Variants in MAGED2 observed in about 807,000 individuals in gnomAD.
MAGED2 encodes melanoma-associated antigen D2.
A neutral mutation model predicts 41.7 loss-of-function variants in MAGED2; 6 were observed. That is an observed-to-expected ratio of 0.14 (90% CI 0.08 to 0.28). MAGED2 has a LOEUF of 0.28. Ranked by LOEUF, MAGED2 falls within the 10% of genes least tolerant of loss-of-function variation. The pLI, the probability that MAGED2 is intolerant of heterozygous loss-of-function variation, is 1.00. For synonymous variants in MAGED2, 146 were observed against 178.2 expected (o/e 0.82, Z 1.44); for missense variants, 343 against 486.4 (o/e 0.71, Z 2.77).
chrX:54,811,438 GTGCTAGCATCTCTGT>G, intron 5 of MAGED2, 121 bp from the exon 6 acceptor site: 1 of 887,633 alleles, frequency 1.1e-6, no homozygotes, highest in Non-Finnish European at 1.6e-6. Context: ...TGATTTGGCA[GTGCTAGCATCTCTGT>G]TGATAAGCAC....
Position 54,815,331 on chromosome X carries a change from A to G in MAGED2, c.1470A>G (p.Ala490=). ...ATTTGAAGGCTGCAGCTGAGGCTGC[A>G]GCTGAAGCCAAGGCTAGGGCCGAGA... The part of the protein sequence containing the change: ...EADLKAAAEA[A]AEAKARAEIR... Residue 490 remains alanine, a synonymous_variant, in exon 12 of 13, where the codon GCA becomes GCG. Transcript: ENST00000375068. The G allele has an allele frequency of 8.3e-7, 1 of 1,202,412 alleles. No individual in the cohort carries two copies. The highest frequency in any genetic ancestry group is 1.1e-6 in the Non-Finnish European group (1 of 890,004).
rs1929780760 is a variant in MAGED2, at chrX:54,810,930, G to A, written c.647G>A (p.Arg216Lys). ...SKALMASMAR[R>K]ASRGPIAFWA... ...GCCCTAATGGCCTCAATGGCCCGCAGGGCTTCAAGGGGTCCCATAGCCTTT... is the reference window on the plus strand; with the variant it reads ...GCCCTAATGGCCTCAATGGCCCGCAAGGCTTCAAGGGGTCCCATAGCCTTT... The change falls in exon 4 of 13, where the codon AGG (arginine) becomes AAG (lysine). Residue 216 changes from arginine to lysine, a missense_variant. Physicochemically the swap from Arg to Lys is conservative, Grantham distance 26. This residue lies in a region of MAGED2 where 195 missense variants were observed against 221.2 expected (regional missense o/e 0.88). Transcript: ENST00000375068. The A allele has an allele frequency of 1.7e-6, 2 of 1,206,706 alleles. No homozygotes were observed. The highest frequency in any genetic ancestry group is 3.5e-5 in the African/African-American group (2 of 57,727).
chrX:54,809,812 T>C lies in MAGED2; in HGVS notation c.136T>C (p.Ser46Pro). The C allele has an allele frequency of 9.1e-6, 11 of 1,202,707 alleles. No homozygotes were observed. Among genetic ancestry groups the C allele is most frequent in the Non-Finnish European group, 1.1e-5 (10 of 890,816 alleles). The part of the protein sequence containing the change: ...NVEVPETPKA[S>P]KALEVSEDVK... Reference sequence around the variant, plus strand: ...GGAGGTCCCAGAGACACCGAAGGCCTCAAAGGCACTGGAGGTCTCAGAGGA... The same window carrying C: ...GGAGGTCCCAGAGACACCGAAGGCCCCAAAGGCACTGGAGGTCTCAGAGGA... The change falls in exon 3 of 13, where the codon TCA becomes CCA. Residue 46 changes from serine (S) to proline (P), a missense_variant. Coordinates refer to ENST00000375068, the MANE Select transcript of MAGED2 (RefSeq NM_177433.3).
In MAGED2 at chrX:54,815,590, G is replaced by A. The variant is rs376899197; in HGVS notation, c.1729G>A (p.Ala577Thr). Residue 577 changes from alanine (A) to threonine (T), a missense_variant, in exon 12 of 13, where the codon GCC (alanine) becomes ACC (threonine). Around this residue, in one of 3 missense-constraint regions of MAGED2, gnomAD observed 53 missense variants for 60.4 expected, o/e 0.88. Coordinates refer to ENST00000375068, the MANE Select transcript of MAGED2 (RefSeq NM_177433.3). ...CTTCAGTGCTGGTGCCAGCCTGACCGCCACTCTCACATTTGGGCTCTTCGC... is the reference window on the plus strand; with the variant it reads ...CTTCAGTGCTGGTGCCAGCCTGACCACCACTCTCACATTTGGGCTCTTCGC... ...GGFSAGASLT[A>T]TLTFGLFAGL... The A allele has an allele frequency of 6.2e-4, 721 of 1,167,171 alleles. No individual in the cohort carries two copies. Among genetic ancestry groups the A allele is most frequent in the Non-Finnish European group, 7.6e-4 (666 of 873,096 alleles).
chrX:54,811,757 C>G, intron 6 of MAGED2, 104 bp downstream of exon 6: 1 of 583,273 alleles, frequency 1.7e-6, no homozygotes, highest in Non-Finnish European at 2.9e-6. Context: ...TAATCCAGCT[C>G]CATCGCTATG....
rs1929728996 is a variant in MAGED2, at chrX:54,809,463, A to G, written c.45+87A>G. 9.3e-6 allele frequency: 9 copies of G among 966,075 alleles called. No individual in the cohort carries two copies. The South Asian group carries it at 1.8e-4, about 19-fold the overall frequency. 79.6% of individuals were successfully genotyped at this position (966,075 alleles called of 1,213,427 possible). On this transcript the variant is annotated intron_variant, in intron 2 of 12. Transcript: ENST00000375068. ...CAAGTCCCTTGGCTCTTCCCCTCCCATCCTTGTCCTTCTCCACCTACTTTC... is the reference window on the plus strand; with the variant it reads ...CAAGTCCCTTGGCTCTTCCCCTCCCGTCCTTGTCCTTCTCCACCTACTTTC...
At chrX:54,813,244 G>C in intron 9 of MAGED2, 84 bp downstream of exon 9, 1 of 1,191,806 alleles carries the variant, frequency 8.4e-7, no homozygotes, top group Non-Finnish European at 1.1e-6. Flanking sequence ...CAGTCTGGTG[G>C]TCTGGTGGAG....
chrX:54,810,737 C>A, intron 3 of MAGED2, 84 bp from the exon 4 acceptor site: 1 of 816,492 alleles, frequency 1.2e-6, no homozygotes, highest in Non-Finnish European at 1.7e-6. Flanking sequence ...GTGGGATTAG[C>A]GGGTGCTTCC....
intron 10 of MAGED2, 143 bp downstream of exon 10, chrX:54,813,693 T>C: frequency 2.1e-6 from 1 of 486,638 alleles, no homozygotes; most frequent in South Asian, 3.5e-5. Context: ...GATTATTCCT[T>C]GGGCGGTGAT....
intron 12 of MAGED2, 44 bp downstream of exon 12, chrX:54,815,734 C>T (rs769593952): frequency 8.5e-5 from 79 of 927,863 alleles, no homozygotes; most frequent in Non-Finnish European, 1.6e-5. Flanking sequence ...GCTTATGGGG[C>T]TGGGATGAGG....
chrX:54,808,117 G>A (rs980400246), intron 1 of MAGED2, among the ~76,000 whole-genome samples: 4 of 110,900 alleles, frequency 3.6e-5, no homozygotes, highest in African/African-American at 1.3e-4. Flanking sequence ...ATGCAGAGAG[G>A]GATTAAGGAA....
rs1820379745 is a variant in MAGED2, at chrX:54,812,012, C to T, written c.991-145C>T. 4 of 457,815 alleles carry T rather than the reference C, an allele frequency of 8.7e-6. No individual in the cohort carries two copies. The South Asian group carries it at 9.6e-5, about 11-fold the overall frequency. The allele number at this position is 457,815 out of a possible 1,213,427, so 37.7% of individuals were successfully genotyped here. On this transcript the variant is annotated intron_variant, in intron 6 of 12. Coordinates refer to ENST00000375068, the MANE Select transcript of MAGED2 (RefSeq NM_177433.3). ...AATAGTACATTTGCAGCGTGTTTAC[C>T]GGGTGCCAGGCACTTAGCTATGTAC...
chrX:54,811,391 C>T (rs1929799701), intron 5 of MAGED2, 78 bp downstream of exon 5: 13 of 1,006,964 alleles, frequency 1.3e-5, no homozygotes, highest in Non-Finnish European at 1.8e-5. Context: ...GGGATATCCC[C>T]TGCTCTTATG....
At chrX:54,814,854 C>T (rs1929913698) in intron 11 of MAGED2, 79 bp downstream of exon 11, 2 of 682,718 alleles carry the variant, frequency 2.9e-6, no homozygotes. Context: ...TGCAGAGCAG[C>T]CTGCAGTTCA....
At position 54,810,187 on chromosome X, in the gene MAGED2, A is replaced by C. The variant is rs759704782; in HGVS notation, c.511A>C (p.Lys171Gln). 1 of 1,159,569 alleles carries C rather than the reference A, an allele frequency of 8.6e-7. No individual in the cohort carries two copies. Among genetic ancestry groups the C allele is most frequent in the Non-Finnish European group, 1.1e-6 (1 of 869,816 alleles). ...QSQENQDTRP[K>Q]VKAKKARKVK... ...TCAGGAGAATCAGGATACTCGGCCC[A>C]AGGTCAAAGCCAAGAAAGCCCGAAA... Residue 171 changes from lysine to glutamine, a missense_variant, in exon 3 of 13, where the codon AAG becomes CAG. By Grantham distance (53) the Lys-to-Gln change is moderately conservative. This residue lies in a region of MAGED2 where 195 missense variants were observed against 221.2 expected (regional missense o/e 0.88). Coordinates refer to ENST00000375068, the MANE Select transcript of MAGED2 (RefSeq NM_177433.3).
intron 9 of MAGED2, 105 bp from the exon 10 acceptor site, chrX:54,813,383 T>C (rs975623542): frequency 3.2e-4 from 285 of 877,375 alleles, no homozygotes; most frequent in Non-Finnish European, 4.3e-4. Flanking sequence ...CCTCTTGTGC[T>C]GGAAACCTCT....
Position 54,811,194 on chromosome X carries a change from G to A in MAGED2, c.847-56G>A, listed in dbSNP as rs113085814. 8.1e-3 allele frequency: 9,656 copies of A among 1,196,398 alleles called. 485 individuals are homozygous for A. In the African/African-American group the frequency reaches 0.15, roughly 18 times the overall value. ...CTTGGCTGTCCTTTTCTTTGCCATC[G>A]TCTCAAGTTTTCTGCAAACTTGTTT... is the stretch of plus-strand genomic sequence containing the variant. On this transcript the variant is annotated intron_variant, in intron 4 of 12. Transcript: ENST00000375068.
intron 5 of MAGED2, 72 bp from the exon 6 acceptor site, chrX:54,811,502 A>G: frequency 1.0e-6 from 1 of 960,492 alleles, no homozygotes; most frequent in Non-Finnish European, 1.5e-6. Context: ...GTTGGCAAAG[A>G]GTCTATAGCT....
chrX:54,813,604 A>G, intron 10 of MAGED2, 54 bp downstream of exon 10: 3 of 1,019,642 alleles, frequency 2.9e-6, no homozygotes, highest in East Asian at 3.0e-5. Context: ...CTATTTCAGA[A>G]CTGAGTGATA....
Sources: gnomAD v4.1 joint callset for allele counts (sites outside exome capture counted in the v4.1 genomes callset) on GRCh38, gnomAD v4.1.1 for gene constraint, gnomAD v4.1.1 regional missense constraint, MANE v1.5 for transcripts, NCBI Gene and HGNC (gene_info 2026-07-23, HGNC 2026-07-21) for gene names.